LEMD1: variants seen among roughly 807,000 people sequenced by gnomAD.
LEMD1 encodes LEM domain containing 1.
LEMD1 carries 18 observed loss-of-function variants against 17.4 expected under a neutral mutation model. That is an observed-to-expected ratio of 1.04 (90% CI 0.72 to 1.54). The LOEUF (loss-of-function observed/expected upper bound fraction) is 1.54, where lower values mean the gene tolerates loss of function less well. Among genes scored for constraint, LEMD1 ranks in the 40% most tolerant of loss-of-function variants. LEMD1 has a pLI of 0.00. For synonymous variants in LEMD1, 88 were observed against 77.8 expected, an observed-to-expected ratio of 1.13 and a Z score of -0.69; for missense variants, 195 against 210.4, an observed-to-expected ratio of 0.93 and a Z score of 0.45.
At chr1:205,402,386 T>C (rs1664893828) in intron 4 of LEMD1, among the ~76,000 whole-genome samples, 1 of 152,212 alleles carries the variant, frequency 6.6e-6, no homozygotes, top group Admixed American at 6.5e-5. Flanking sequence ...CATTGAGCAG[T>C]GATTTGTAGT....
intron 4 of LEMD1, among the ~76,000 whole-genome samples, chr1:205,408,239 C>G (rs572518081): frequency 6.6e-6 from 1 of 151,966 alleles, no homozygotes; most frequent in Non-Finnish European, 1.5e-5. Flanking sequence ...GGAGAGTGTC[C>G]TTTGGTAGGC....
chr1:205,409,774 A>T (rs543925176), intron 4 of LEMD1, among the ~76,000 whole-genome samples: 4 of 116,386 alleles, frequency 3.4e-5, no homozygotes, highest in South Asian at 5.2e-4. Flanking sequence ...CAGTTAATTA[A>T]TTTTTTTTTT....
chr1:205,393,870 A>T (rs1258424823), intron 4 of LEMD1, among the ~76,000 whole-genome samples: 1 of 152,054 alleles, frequency 6.6e-6, no homozygotes, highest in Non-Finnish European at 1.5e-5. Flanking sequence ...AAAAAAAAAA[A>T]AATGGAAATC....
intron 1 of LEMD1, among the ~76,000 whole-genome samples, chr1:205,446,298 G>A (rs1233405687): frequency 6.6e-6 from 1 of 152,238 alleles, no homozygotes; most frequent in Non-Finnish European, 1.5e-5. Context: ...CCCAGCCCCA[G>A]CAAAGCGAGG....
At chr1:205,393,675 TAAA>T (rs11339751) in intron 4 of LEMD1, among the ~76,000 whole-genome samples, 5 of 146,786 alleles carry the variant, frequency 3.4e-5, no homozygotes, top group Admixed American at 6.8e-5. Context: ...GACTCTGTCT[TAAA>T]AAAAAAAAAA....
At chr1:205,405,408 A>G (rs943787430) in intron 4 of LEMD1, among the ~76,000 whole-genome samples, 4 of 149,662 alleles carry the variant, frequency 2.7e-5, no homozygotes, top group African/African-American at 9.9e-5. Flanking sequence ...GTTTCTTTTT[A>G]TTCTTTTTTC....
intron 1 of LEMD1, among the ~76,000 whole-genome samples, chr1:205,446,984 G>A (rs556058697): frequency 6.6e-6 from 1 of 152,374 alleles, no homozygotes; most frequent in South Asian, 2.1e-4. Context: ...GACAAAGGGT[G>A]ATTGGAGTTG....
At chr1:205,414,947 G>A (rs1479317709) in intron 4 of LEMD1, among the ~76,000 whole-genome samples, 1 of 152,190 alleles carries the variant, frequency 6.6e-6, no homozygotes, top group Non-Finnish European at 1.5e-5. Flanking sequence ...GGAAGAGACA[G>A]AAGGGATGGA....
At chr1:205,399,150 GA>G (rs1330031850) in intron 4 of LEMD1, among the ~76,000 whole-genome samples, 3 of 151,678 alleles carry the variant, frequency 2.0e-5, no homozygotes, top group African/African-American at 7.3e-5. Flanking sequence ...AGGAGGTGGA[GA>G]TTGCAGTGAG....
At chr1:205,394,355 ATTAT>A (rs1302748008) in intron 4 of LEMD1, among the ~76,000 whole-genome samples, 3 of 142,356 alleles carry the variant, frequency 2.1e-5, no homozygotes, top group Non-Finnish European at 4.6e-5. Context: ...TGTGAACTGT[ATTAT>A]TTGTTTATTT....
chr1:205,420,232 C>T (rs924992657), intron 2 of LEMD1, among the ~76,000 whole-genome samples: 10 of 152,120 alleles, frequency 6.6e-5, no homozygotes, highest in Non-Finnish European at 1.5e-4. Flanking sequence ...GCAGGAGAAT[C>T]GCTTGAATCT....
chr1:205,447,856 TC>T (rs1666430190), intron 1 of LEMD1, among the ~76,000 whole-genome samples: 1 of 152,092 alleles, frequency 6.6e-6, no homozygotes, highest in South Asian at 2.1e-4. Context: ...CCCAGAGGTC[TC>T]CTTACACAGA....
chr1:205,391,716 G>A (rs1309633344), intron 4 of LEMD1, among the ~76,000 whole-genome samples: 1 of 152,126 alleles, frequency 6.6e-6, no homozygotes, highest in Admixed American at 6.5e-5. Context: ...TCCCCAGTGG[G>A]AGCCTGGACT....
At chr1:205,391,623 G>A (rs771719357) in intron 4 of LEMD1, among the ~76,000 whole-genome samples, 1 of 152,178 alleles carries the variant, frequency 6.6e-6, no homozygotes, top group African/African-American at 2.4e-5. Flanking sequence ...CGCCTGGGTG[G>A]TGTCAATGGA....
chr1:205,442,248 G>T (rs1029616801), intron 1 of LEMD1, among the ~76,000 whole-genome samples: 5 of 152,192 alleles, frequency 3.3e-5, no homozygotes, highest in African/African-American at 9.6e-5. Context: ...GGGAAGGAGG[G>T]AGGCACAGGG....
At chr1:205,410,213 C>T (rs1364451811) in intron 4 of LEMD1, among the ~76,000 whole-genome samples, 3 of 152,210 alleles carry the variant, frequency 2.0e-5, no homozygotes, top group Non-Finnish European at 1.5e-5. Context: ...TGAGCCACCA[C>T]ACCTGGCAGA....
chr1:205,424,540 G>A (rs1353898392), upstream of LEMD1, among the ~76,000 whole-genome samples: 2 of 152,190 alleles, frequency 1.3e-5, no homozygotes, highest in African/African-American at 2.4e-5. Context: ...GGAGCTGACT[G>A]TCTCCTTAAA....
Position 205,411,343 on chromosome 1 carries a change from G to A in LEMD1, c.270+4889C>T, listed in dbSNP as rs991666595. On this transcript the variant is annotated intron_variant, in intron 4 of 5. Transcript: ENST00000367153. ...AGCACTTTGGGAGGCCGAGGCGGGCGGATCACGAGGTCAGGAGATCAAGAC... is the reference window on the plus strand; with the variant it reads ...AGCACTTTGGGAGGCCGAGGCGGGCAGATCACGAGGTCAGGAGATCAAGAC... Among the ~76,000 whole-genome samples, 40 of 151,912 alleles carry A rather than the reference G, an allele frequency of 2.6e-4. 1 individual carries two copies. The highest frequency in any genetic ancestry group is 1.7e-3 in the Admixed American group (26 of 15,248).
rs745307754 is a variant in LEMD1 at position 205,448,308 on chromosome 1, C to T, written c.-39+1560G>A. The T allele has an allele frequency of 1.9e-6, 1 of 530,806 alleles. No homozygotes were observed. Among genetic ancestry groups the T allele is most frequent in the Non-Finnish European group, 3.9e-6 (1 of 256,864 alleles). The allele number at this position is 530,806 out of a possible 1,614,324, so 32.9% of individuals were successfully genotyped here. On this transcript the variant is annotated intron_variant, in intron 1 of 3. Coordinates refer to the LEMD1 transcript ENST00000367154. This position sits in a 1 kb window ranked among gnomAD's most constrained non-coding sequence, Gnocchi z 4.7. ...GTGCAGCTGCGCAGGAGAAGGAGCT[C>T]GCCCCTCACTGTAGCCCATGGCTTT...
Sources: allele counts gnomAD v4.1 joint callset (sites outside exome capture counted in the v4.1 genomes callset), GRCh38; gene constraint gnomAD v4.1.1; non-coding constraint Gnocchi (gnomAD v3.1); transcripts MANE v1.5; gene names NCBI Gene and HGNC (gene_info 2026-07-23, HGNC 2026-07-21).